PARD3: variants seen among roughly 807,000 people sequenced by gnomAD.
PARD3 encodes partitioning defective 3 homolog.
Under a neutral mutation model 155.4 loss-of-function variants are expected in PARD3, and 75 were observed. That is an observed-to-expected ratio of 0.48 (90% confidence interval 0.40 to 0.58). The LOEUF is 0.58. Among genes scored for constraint, PARD3 ranks in the 20% least tolerant of loss-of-function variants. The probability of loss-of-function intolerance (pLI) is 0.00; values close to 1 mark genes in which losing one functional copy is unlikely to be tolerated. For missense variants in PARD3, 1,642 were observed against 1,721.7 expected, an observed-to-expected ratio of 0.95 and a Z score of 0.82; for synonymous variants, 576 against 610.5, an observed-to-expected ratio of 0.94 and a Z score of 0.83.
In PARD3 at chr10:34,587,253, G is replaced by T. The variant is rs141232165; in HGVS notation, c.223-70094C>A. On this transcript the variant is annotated intron_variant, in intron 2 of 24. Transcript: ENST00000374788. ...ATCTCCTGTCTCAGCCTCCTGTGTG[G>T]CTGGGATTACAGGCGCCTGCCAGCA... Among the ~76,000 whole-genome samples, 41 of 152,146 alleles carry T rather than the reference G, an allele frequency of 2.7e-4. 1 individual carries two copies. In the East Asian group the frequency reaches 8.0e-3, roughly 30 times the overall value.
At position 34,152,173 on chromosome 10, in the gene PARD3, T is replaced by A. The variant is rs12781118; in HGVS notation, c.3420-20590A>T. Among the ~76,000 whole-genome samples, 1,181 of 152,244 alleles carry A rather than the reference T, an allele frequency of 7.8e-3. 5 individuals are homozygous for A. The highest frequency in any genetic ancestry group is 0.013 in the Admixed American group (200 of 15,282). ...ATTTTTCACAAGATCTTTCTTTTAC[T>A]TTGGAAAAATTTCCCTGTAGCTAGC... is the stretch of plus-strand genomic sequence containing the variant. On this transcript the variant is annotated intron_variant, in intron 22 of 24. Transcript: ENST00000374788.
At chr10:34,559,351 T>C (rs2085278299) in intron 2 of PARD3, among the ~76,000 whole-genome samples, 1 of 152,072 alleles carries the variant, frequency 6.6e-6, no homozygotes, top group African/African-American at 2.4e-5. Flanking sequence ...TTTGTAACTG[T>C]TAAGTACCTA....
chr10:34,635,355 AGGCTGAG>A (rs2092431483), intron 2 of PARD3, among the ~76,000 whole-genome samples: 2 of 152,244 alleles, frequency 1.3e-5, no homozygotes, highest in Admixed American at 1.3e-4. Context: ...GCCAGGCATA[AGGCTGAG>A]GGCTTGGGCC....
intron 1 of PARD3, among the ~76,000 whole-genome samples, chr10:34,700,629 C>T (rs936361243): frequency 1.3e-5 from 2 of 152,130 alleles, no homozygotes; most frequent in African/African-American, 2.4e-5. Context: ...ACATGCAAAG[C>T]ATTGCATGAA....
intron 3 of PARD3, among the ~76,000 whole-genome samples, chr10:34,487,962 G>A (rs2079583600): frequency 6.6e-6 from 1 of 152,024 alleles, no homozygotes; most frequent in African/African-American, 2.4e-5. Flanking sequence ...TTTTATTAAG[G>A]ATTCAAATAC....
chr10:34,599,242 T>C (rs936828514), intron 2 of PARD3, among the ~76,000 whole-genome samples: 1 of 152,112 alleles, frequency 6.6e-6, no homozygotes, highest in Non-Finnish European at 1.5e-5. Context: ...AATCCCTTCA[T>C]AAACTCTAAA....
chr10:34,303,162 A>ATTTTTTTT (rs5784409), intron 20 of PARD3, among the ~76,000 whole-genome samples: 1 of 132,002 alleles, frequency 7.6e-6, no homozygotes, highest in African/African-American at 3.0e-5. Flanking sequence ...GCCCAGGTGA[A>ATTTTTTTT]TTTTTTTTTT....
At chr10:34,569,822 G>T (rs1424343565) in intron 2 of PARD3, among the ~76,000 whole-genome samples, 1 of 149,538 alleles carries the variant, frequency 6.7e-6, no homozygotes, top group Non-Finnish European at 1.5e-5. Flanking sequence ...AAACGCTAAA[G>T]TCATTCACAA....
At chr10:34,632,759 C>A (rs1341811795) in intron 2 of PARD3, among the ~76,000 whole-genome samples, 1 of 152,160 alleles carries the variant, frequency 6.6e-6, no homozygotes, top group African/African-American at 2.4e-5. Flanking sequence ...AGAGGATAAA[C>A]CCAGCAAGTC....
intron 1 of PARD3, among the ~76,000 whole-genome samples, chr10:34,741,324 C>T (rs765064448): frequency 5.3e-5 from 8 of 151,600 alleles, no homozygotes; most frequent in Admixed American, 2.0e-4. Flanking sequence ...AGCTGGACTA[C>T]GGGCATGCAC....
chr10:34,523,290 C>T (rs2082265722), intron 2 of PARD3, among the ~76,000 whole-genome samples: 1 of 152,224 alleles, frequency 6.6e-6, no homozygotes, highest in Non-Finnish European at 1.5e-5. Context: ...TTTAATGTGA[C>T]ACCCTGTGAG....
chr10:34,756,995 A>G (rs564913460), intron 1 of PARD3, among the ~76,000 whole-genome samples: 117 of 152,336 alleles, frequency 7.7e-4, no homozygotes, highest in Middle Eastern at 3.4e-3. Flanking sequence ...AAAAGGTTCT[A>G]AAGTCATAAA....
chr10:34,285,330 C>A (rs1440145929), intron 20 of PARD3, among the ~76,000 whole-genome samples: 1 of 152,106 alleles, frequency 6.6e-6, no homozygotes, highest in Non-Finnish European at 1.5e-5. Flanking sequence ...GAGGCTGAGG[C>A]TTTGGGAGGC....
chr10:34,688,043 C>T (rs536226469), intron 2 of PARD3, among the ~76,000 whole-genome samples: 1 of 151,628 alleles, frequency 6.6e-6, no homozygotes, highest in Non-Finnish European at 1.5e-5. Context: ...TTTGTAGAAA[C>T]AGTCTCGTTA....
chr10:34,591,270 G>T (rs1462450988), intron 2 of PARD3, among the ~76,000 whole-genome samples: 1 of 151,858 alleles, frequency 6.6e-6, no homozygotes, highest in East Asian at 1.9e-4. Context: ...CCAAACAAAG[G>T]GTCTCCATTA....
chr10:34,722,237 T>G (rs1193172190), intron 1 of PARD3, among the ~76,000 whole-genome samples: 2 of 151,944 alleles, frequency 1.3e-5, no homozygotes, highest in Non-Finnish European at 2.9e-5. Flanking sequence ...TTTATATATA[T>G]ACTGTTGTTT....
At chr10:34,398,201 A>G (rs1323685403) in intron 7 of PARD3, among the ~76,000 whole-genome samples, 1 of 152,234 alleles carries the variant, frequency 6.6e-6, no homozygotes, top group Non-Finnish European at 1.5e-5. Flanking sequence ...AGAACATTGC[A>G]TGAACCATGA....
chr10:34,583,757 T>C (rs1292456365), intron 2 of PARD3, among the ~76,000 whole-genome samples: 3 of 152,226 alleles, frequency 2.0e-5, no homozygotes, highest in Admixed American at 2.0e-4. Flanking sequence ...GACATTAGTA[T>C]TGATCTTATG....
At chr10:34,485,337 CAA>C (rs35292075) in intron 3 of PARD3, among the ~76,000 whole-genome samples, 55 of 139,920 alleles carry the variant, frequency 3.9e-4, no homozygotes, top group Non-Finnish European at 4.5e-4. Flanking sequence ...GACTCTGTCT[CAA>C]AAAAAAAAAA....
Sources: allele counts gnomAD v4.1 joint callset (sites outside exome capture counted in the v4.1 genomes callset), GRCh38; gene constraint gnomAD v4.1.1; transcripts MANE v1.5; gene names NCBI Gene and HGNC (gene_info 2026-07-23, HGNC 2026-07-21).